TRIM5: variants seen among roughly 807,000 people sequenced by gnomAD.
TRIM5 encodes the protein tripartite motif-containing protein 5.
In TRIM5, 31 loss-of-function variants were observed where a neutral mutation model predicts 35.6. The ratio of observed to expected loss-of-function variants is 0.87; its 90% CI spans 0.65 to 1.18. The LOEUF is 1.18. Ranked by LOEUF, TRIM5 falls within the 50% of genes most tolerant of loss-of-function variation. TRIM5 has a pLI of 0.00. For synonymous variants in TRIM5, 243 were observed against 215.6 expected (o/e 1.13, Z -1.11); for missense variants, 609 against 591.6 (o/e 1.03, Z -0.31).
intron 4 of TRIM5, among the ~76,000 whole-genome samples, chr11:5,676,796 A>C (rs1184755387): frequency 1.7e-3 from 263 of 150,498 alleles, no homozygotes; most frequent in Middle Eastern, 3.4e-3. Flanking sequence ...AGAAATAACG[A>C]CGCATATCTA....
At chr11:5,613,914 T>A in the TRIM5 span, among the ~76,000 whole-genome samples, 1 of 150,946 alleles carries the variant, frequency 6.6e-6, no homozygotes, top group Admixed American at 6.6e-5. Flanking sequence ...TACTTCTTTA[T>A]AAGTAAATTC....
chr11:5,625,928 G>A, the TRIM5 span, among the ~76,000 whole-genome samples: 55 of 152,348 alleles, frequency 3.6e-4, no homozygotes, highest in African/African-American at 1.3e-3. Flanking sequence ...GGCTCAGAAG[G>A]AGCCCACGGA....
At chr11:5,642,666 A>G in the TRIM5 span, 4 of 1,351,544 alleles carry the variant, frequency 3.0e-6, no homozygotes, top group Non-Finnish European at 3.9e-6. Flanking sequence ...TATGTAAGGA[A>G]AAATGGCTAG....
chr11:5,614,271 G>A, the TRIM5 span, among the ~76,000 whole-genome samples: 4 of 152,192 alleles, frequency 2.6e-5, no homozygotes, highest in Non-Finnish European at 5.9e-5. Flanking sequence ...TGTTCCATGT[G>A]GGATTCATGC....
chr11:5,650,419 A>G, the TRIM5 span, among the ~76,000 whole-genome samples: 1 of 152,238 alleles, frequency 6.6e-6, no homozygotes, highest in Non-Finnish European at 1.5e-5. Flanking sequence ...TATCCCAGAA[A>G]AAAGCTTTAG....
At chr11:5,641,138 T>C in the TRIM5 span, 1 of 1,612,440 alleles carries the variant, frequency 6.2e-7, no homozygotes. Context: ...TTTATACACT[T>C]TGACTCATGT....
chr11:5,650,229 G>C, the TRIM5 span, among the ~76,000 whole-genome samples: 1 of 152,210 alleles, frequency 6.6e-6, no homozygotes. Flanking sequence ...TAGTCAATGT[G>C]CAACTAAGGT....
the TRIM5 span, among the ~76,000 whole-genome samples, chr11:5,622,566 C>T: frequency 2.6e-5 from 4 of 151,992 alleles, no homozygotes; most frequent in African/African-American, 9.7e-5. Context: ...TGCGGTGAGC[C>T]AAGATCATGC....
At chr11:5,665,874 C>T in intron 6 of TRIM5, 107 bp downstream of exon 6, 2 of 1,260,540 alleles carry the variant, frequency 1.6e-6, no homozygotes, top group Non-Finnish European at 2.2e-6. Flanking sequence ...AATATCTATC[C>T]TCCCCTATCC....
the TRIM5 span, chr11:5,590,637 C>T: frequency 6.6e-6 from 1 of 152,290 alleles, no homozygotes; most frequent in African/African-American, 2.4e-5. Context: ...GACCACTGGG[C>T]TCTACCAATC....
At chr11:5,608,493 A>G in the TRIM5 span, 1 of 1,563,728 alleles carries the variant, frequency 6.4e-7, no homozygotes, top group Non-Finnish European at 8.7e-7. Flanking sequence ...AGTGGGGAAG[A>G]TTCAAGAGAG....
the TRIM5 span, among the ~76,000 whole-genome samples, chr11:5,656,638 G>C: frequency 6.6e-6 from 1 of 152,024 alleles, no homozygotes. Context: ...ATAGGCGTGA[G>C]CCACTACGAC....
At chr11:5,642,110 A>AT in the TRIM5 span, among the ~76,000 whole-genome samples, 2 of 152,120 alleles carry the variant, frequency 1.3e-5, no homozygotes, top group Non-Finnish European at 2.9e-5. Context: ...GTTTTATCCA[A>AT]TTTTTTATTA....
chr11:5,648,461 G>C, the TRIM5 span, among the ~76,000 whole-genome samples: 1 of 151,748 alleles, frequency 6.6e-6, no homozygotes, highest in Non-Finnish European at 1.5e-5. Flanking sequence ...AGCCGAGATC[G>C]CGCCACTGCA....
the TRIM5 span, among the ~76,000 whole-genome samples, chr11:5,591,779 C>T: frequency 6.6e-6 from 1 of 152,166 alleles, no homozygotes; most frequent in Non-Finnish European, 1.5e-5. Flanking sequence ...CTGAATTCTG[C>T]CATGTGAGGT....
At chr11:5,683,333 C>T (rs2343229) in intron 1 of TRIM5, among the ~76,000 whole-genome samples, 80,741 of 152,018 alleles carry the variant, frequency 0.53, 21,464 homozygotes, top group African/African-American at 0.53. Context: ...ACCTGCGGCC[C>T]GGTGCAGGAT....
chr11:5,627,277 G>A, the TRIM5 span, among the ~76,000 whole-genome samples: 1 of 152,084 alleles, frequency 6.6e-6, no homozygotes, highest in South Asian at 2.1e-4. Flanking sequence ...CTACTCGGGA[G>A]GCTGAGGCAA....
chr11:5,655,188 C>T, the TRIM5 span, among the ~76,000 whole-genome samples: 1 of 147,864 alleles, frequency 6.8e-6, no homozygotes, highest in African/African-American at 2.5e-5. Context: ...AGCGAAACTC[C>T]GTCTAAAAAA....
chr11:5,653,495 T>G, the TRIM5 span, among the ~76,000 whole-genome samples: 2 of 149,690 alleles, frequency 1.3e-5, no homozygotes, highest in Non-Finnish European at 3.0e-5. Flanking sequence ...TTGTTTTTTT[T>G]GTTTTTTTTT....
Sources: allele counts gnomAD v4.1 joint callset (sites outside exome capture counted in the v4.1 genomes callset), GRCh38; gene constraint gnomAD v4.1.1; transcripts MANE v1.5; gene names NCBI Gene and HGNC (gene_info 2026-07-23, HGNC 2026-07-21).